Variants in FXYD6 observed in about 807,000 individuals in gnomAD.
FXYD6 encodes the protein FXYD domain containing ion transport regulator 6.
FXYD6 carries 7 observed loss-of-function variants against 16.7 expected under a neutral mutation model. The observed-to-expected ratio is 0.42, with a 90% confidence interval of 0.24 to 0.79. The LOEUF (loss-of-function observed/expected upper bound fraction) is 0.79. Among genes scored for constraint, FXYD6 ranks in the 30% least tolerant of loss-of-function variants. The pLI is 0.28. For missense variants in FXYD6, 111 were observed against 116.2 expected (o/e 0.95, Z 0.21); for synonymous variants, 49 against 43.0 (o/e 1.14, Z -0.54).
rs2057156535 is a variant in FXYD6, at chr11:117,872,320, T to C, written c.-6+4272A>G. Among the ~76,000 whole-genome samples, 1 of 152,142 alleles carries C rather than the reference T, an allele frequency of 6.6e-6. No homozygotes were observed. The highest frequency in any genetic ancestry group is 2.4e-5 in the African/African-American group (1 of 41,418). On this transcript the variant is annotated intron_variant, in intron 1 of 7. Coordinates refer to ENST00000526014, the MANE Select transcript of FXYD6 (RefSeq NM_022003.4). This position sits in a 1 kb window ranked among gnomAD's most constrained non-coding sequence, Gnocchi z 4.9. Reference sequence around the variant, plus strand: ...CACCCGTGATTGCATGGAGGGGCTCTTCCTATGGAGGAAGAAAGTCGCAGG... The same window carrying C: ...CACCCGTGATTGCATGGAGGGGCTCCTCCTATGGAGGAAGAAAGTCGCAGG...
At chr11:117,841,226 G>C in intron 4 of FXYD6, 42 bp from the exon 5 acceptor site, 1 of 1,613,896 alleles carries the variant, frequency 6.2e-7, no homozygotes, top group African/African-American at 1.3e-5. Context: ...CTGCTGGCTT[G>C]GCCACAGCAG....
At chr11:117,856,821 T>C (rs538960845) in intron 1 of FXYD6, among the ~76,000 whole-genome samples, 9 of 152,188 alleles carry the variant, frequency 5.9e-5, no homozygotes, top group African/African-American at 1.7e-4. Flanking sequence ...TTTGTGAAAA[T>C]TGGGGCCCAA....
chr11:117,869,018 G>A (rs1022545407), intron 1 of FXYD6: 1 of 152,088 alleles, frequency 6.6e-6, no homozygotes, highest in South Asian at 2.1e-4. Flanking sequence ...GCTTTGGGTC[G>A]ACCAGAGGCC....
chr11:117,846,831 TCTC>T (rs1565315395), intron 1 of FXYD6, among the ~76,000 whole-genome samples: 1 of 152,206 alleles, frequency 6.6e-6, no homozygotes, highest in Non-Finnish European at 1.5e-5. Context: ...TCCTCTTCCC[TCTC>T]CTCCTCTTTC....
chr11:117,839,844 C>T lies in FXYD6; in HGVS notation c.260-14G>A. On this transcript the variant is annotated splice_polypyrimidine_tract_variant and intron_variant, in intron 6 of 7. Coordinates refer to ENST00000526014, the MANE Select transcript of FXYD6 (RefSeq NM_022003.4). ...GGGGCTCTGTTGCTGGAAAGAAAAC[C>T]AGAATGGATTATAGTGTATAGACTC... The T allele has an allele frequency of 6.2e-7, 1 of 1,614,202 alleles. No individual in the cohort carries two copies.
At chr11:117,841,470 A>T (rs2056341842) in intron 4 of FXYD6, 1 of 587,404 alleles carries the variant, frequency 1.7e-6, no homozygotes, top group Non-Finnish European at 3.0e-6. Flanking sequence ...TCGGAGGCAC[A>T]TCCCTCGCAC....
intron 1 of FXYD6, chr11:117,843,635 C>G (rs1333533190): frequency 6.6e-6 from 1 of 152,218 alleles, no homozygotes; most frequent in Non-Finnish European, 1.5e-5. Flanking sequence ...TGACAGCCCT[C>G]CTTCAGGTAC....
chr11:117,864,828 G>A (rs1263767146), intron 1 of FXYD6, among the ~76,000 whole-genome samples: 5 of 152,100 alleles, frequency 3.3e-5, no homozygotes, highest in South Asian at 2.1e-4. Flanking sequence ...CTCGTGATCC[G>A]CAGGCCTCGG....
At chr11:117,855,388 G>A (rs74683816) in intron 1 of FXYD6, among the ~76,000 whole-genome samples, 3,903 of 152,302 alleles carry the variant, frequency 0.026, 79 homozygotes, top group Non-Finnish European at 0.041. Context: ...AATCTCATCG[G>A]TGGTACGTTG....
chr11:117,874,379 G>C (rs2057207176), intron 1 of FXYD6, among the ~76,000 whole-genome samples: 1 of 152,200 alleles, frequency 6.6e-6, no homozygotes, highest in Admixed American at 6.5e-5. Flanking sequence ...GGCAAGCCTA[G>C]AGCCCTTTGC....
rs961854815 is a variant in FXYD6, at chr11:117,838,383, A to C, written c.*22-106T>G. 1.2e-5 allele frequency: 8 copies of C among 693,050 alleles called. No individual in the cohort carries two copies. The African/African-American group carries it at 1.4e-4, about 12-fold the overall frequency. 42.9% of individuals were successfully genotyped at this position (693,050 alleles called of 1,614,324 possible). On this transcript the variant is annotated intron_variant, in intron 7 of 7. Transcript: ENST00000526014. ...CCTGCCCACTGAAATTCCCGGTATG[A>C]CAGCCTCGTCTGAGACGCAGAGAAA... is the stretch of plus-strand genomic sequence containing the variant.
In FXYD6 at chr11:117,838,256, C is replaced by T; in HGVS notation, c.*43G>A. Reference sequence around the variant, plus strand: ...CGACATTTGCATCCAAAGGTTCAAGCAGCCGCCTCAGGTTCCAGAGGCTGA... The same window carrying T: ...CGACATTTGCATCCAAAGGTTCAAGTAGCCGCCTCAGGTTCCAGAGGCTGA... On this transcript the variant is annotated 3_prime_UTR_variant, in exon 8 of 8. Transcript: ENST00000526014. 5.7e-6 allele frequency: 4 copies of T among 702,582 alleles called. No individual in the cohort carries two copies. The Admixed American group carries it at 8.0e-5, about 14-fold the overall frequency. The allele number at this position is 702,582 out of a possible 1,614,324, so 43.5% of individuals were successfully genotyped here.
At chr11:117,849,160 A>C (rs2056546341) in intron 1 of FXYD6, among the ~76,000 whole-genome samples, 1 of 152,214 alleles carries the variant, frequency 6.6e-6, no homozygotes, top group African/African-American at 2.4e-5. Flanking sequence ...ACCACACTTC[A>C]AAGCTTCTGT....
chr11:117,871,306 C>T (rs2057129957), intron 1 of FXYD6, among the ~76,000 whole-genome samples: 1 of 152,164 alleles, frequency 6.6e-6, no homozygotes, highest in Non-Finnish European at 1.5e-5. Flanking sequence ...GGAAGGGCGA[C>T]TAGGTGTCTA....
chr11:117,845,739 G>A (rs2056453443), intron 1 of FXYD6, among the ~76,000 whole-genome samples: 2 of 152,116 alleles, frequency 1.3e-5, no homozygotes, highest in Admixed American at 1.3e-4. Context: ...ACAGTTTTTT[G>A]ATTCTTTGAT....
intron 1 of FXYD6, among the ~76,000 whole-genome samples, chr11:117,875,706 T>C (rs1591602870): frequency 6.6e-6 from 1 of 151,974 alleles, no homozygotes; most frequent in Non-Finnish European, 1.5e-5. Flanking sequence ...AGCACACTGG[T>C]GGGGAGAAGC....
At chr11:117,848,179 C>A (rs2056517587) in intron 1 of FXYD6, among the ~76,000 whole-genome samples, 1 of 152,190 alleles carries the variant, frequency 6.6e-6, no homozygotes, top group South Asian at 2.1e-4. Context: ...ACAACACGTG[C>A]ACACTCACAC....
intron 1 of FXYD6, among the ~76,000 whole-genome samples, chr11:117,854,326 T>C (rs1442755173): frequency 6.6e-6 from 1 of 152,166 alleles, no homozygotes; most frequent in Admixed American, 6.5e-5. Flanking sequence ...GTGTTGGCAA[T>C]AGGGCTCTTC....
rs2056310128 is a variant in FXYD6, at chr11:117,840,369, C to T, written c.210-1G>A. ...CTGGGCTTCCTCATCTCCTGGGGCC[C>T]TGCAGGAGAAAGAGACACACAGCCC... is the stretch of plus-strand genomic sequence containing the variant. On this transcript the variant is annotated splice_acceptor_variant, in intron 5 of 7. Coordinates refer to ENST00000526014, the MANE Select transcript of FXYD6 (RefSeq NM_022003.4). LOFTEE classifies it high-confidence loss of function. 1.2e-6 allele frequency: 2 copies of T among 1,614,062 alleles called. No individual in the cohort carries two copies. Among genetic ancestry groups the T allele is most frequent in the Non-Finnish European group, 1.7e-6 (2 of 1,180,038 alleles).
Sources: gnomAD v4.1 joint callset for allele counts (sites outside exome capture counted in the v4.1 genomes callset) on GRCh38, gnomAD v4.1.1 for gene constraint, Gnocchi (gnomAD v3.1) non-coding constraint, MANE v1.5 for transcripts, NCBI Gene and HGNC (gene_info 2026-07-23, HGNC 2026-07-21) for gene names.